Variants in NTN4 observed in about 807,000 individuals in gnomAD.
The protein encoded by NTN4 is netrin 4, also known as netrin-4.
NTN4 carries 32 observed loss-of-function variants against 73.6 expected under a neutral mutation model. The ratio of observed to expected loss-of-function variants is 0.44; its 90% CI spans 0.33 to 0.58. NTN4 has a LOEUF of 0.58. Ranked by LOEUF, NTN4 falls within the 20% of genes least tolerant of loss-of-function variation. The probability of loss-of-function intolerance (pLI) is 0.04; values close to 1 mark genes in which losing one functional copy is unlikely to be tolerated. For synonymous variants in NTN4, 258 were observed against 287.5 expected (o/e 0.90, Z 1.04); for missense variants, 654 against 798.3 (o/e 0.82, Z 2.18).
chr12:95,732,809 T>C (rs1175749158), intron 3 of NTN4, among the ~76,000 whole-genome samples: 1 of 152,200 alleles, frequency 6.6e-6, no homozygotes, highest in African/African-American at 2.4e-5. Flanking sequence ...CCTTAATTTA[T>C]AAAACATGAC....
intron 2 of NTN4, among the ~76,000 whole-genome samples, chr12:95,775,278 TG>T (rs1388331975): frequency 2.0e-5 from 3 of 152,226 alleles, no homozygotes; most frequent in Non-Finnish European, 4.4e-5. Context: ...GGGTGATTTC[TG>T]CATTTCCAAC....
At chr12:95,786,441 T>C (rs2079167988) in intron 2 of NTN4, among the ~76,000 whole-genome samples, 1 of 152,242 alleles carries the variant, frequency 6.6e-6, no homozygotes, top group Non-Finnish European at 1.5e-5. Flanking sequence ...GAAGAACCTT[T>C]GTATGTTAAA....
chr12:95,747,224 T>C (rs1382004073), intron 2 of NTN4, among the ~76,000 whole-genome samples: 1 of 152,248 alleles, frequency 6.6e-6, no homozygotes, highest in Non-Finnish European at 1.5e-5. Context: ...ATTTATTCAA[T>C]AATTCTGTTT....
chr12:95,662,578 T>C (rs2078147108), intron 9 of NTN4, among the ~76,000 whole-genome samples: 1 of 152,252 alleles, frequency 6.6e-6, no homozygotes, highest in Middle Eastern at 3.4e-3. Flanking sequence ...AAAGCTATTA[T>C]GGTGTTTTCA....
At chr12:95,717,864 C>T in intron 3 of NTN4, among the ~76,000 whole-genome samples, 1 of 152,024 alleles carries the variant, frequency 6.6e-6, no homozygotes, top group East Asian at 1.9e-4. Flanking sequence ...TCTAATGACC[C>T]AAGAGGTGAA....
At chr12:95,753,713 T>C (rs55860935) in intron 2 of NTN4, among the ~76,000 whole-genome samples, 58,132 of 146,166 alleles carry the variant, frequency 0.4, 13,228 homozygotes, top group Non-Finnish European at 0.51. Context: ...CAAGCTCAGC[T>C]ACCAACTTAA....
chr12:95,753,657 C>T lies in NTN4; in HGVS notation c.586-15513G>A, dbSNP rs534973223. 4.6e-3 allele frequency among the ~76,000 whole-genome samples: 703 copies of T among 151,466 alleles called. 5 individuals carry two copies. The highest frequency in any genetic ancestry group is 0.016 in the African/African-American group (655 of 41,416). ...TATATCCCTTACGGTCCTCCGTCTT[C>T]AAGAAAAGTAGAACGGACTAAAGGT... On this transcript the variant is annotated intron_variant, in intron 2 of 9. Transcript: ENST00000343702.
At chr12:95,776,385 C>A (rs894118192) in intron 2 of NTN4, among the ~76,000 whole-genome samples, 4 of 152,170 alleles carry the variant, frequency 2.6e-5, no homozygotes, top group African/African-American at 7.2e-5. Context: ...GAAGTTCGAA[C>A]CCATCGCAAA....
intron 2 of NTN4, among the ~76,000 whole-genome samples, chr12:95,786,502 C>G (rs939876145): frequency 6.6e-6 from 1 of 152,136 alleles, no homozygotes; most frequent in African/African-American, 2.4e-5. Context: ...ATCCTTCTGT[C>G]AAACAGATTT....
chr12:95,721,013 G>A (rs182872996), intron 3 of NTN4, among the ~76,000 whole-genome samples: 1 of 152,110 alleles, frequency 6.6e-6, no homozygotes, highest in Non-Finnish European at 1.5e-5. Flanking sequence ...TTAAGTAATC[G>A]GCCCAAGGCC....
chr12:95,666,514 T>C (rs2078181586), intron 8 of NTN4, among the ~76,000 whole-genome samples: 1 of 152,204 alleles, frequency 6.6e-6, no homozygotes, highest in Non-Finnish European at 1.5e-5. Flanking sequence ...TATATTCTTA[T>C]TTGTTAGGCA....
At chr12:95,784,391 A>G (rs946554476) in intron 2 of NTN4, among the ~76,000 whole-genome samples, 3 of 152,236 alleles carry the variant, frequency 2.0e-5, no homozygotes, top group African/African-American at 7.2e-5. Flanking sequence ...AAGAAATTCT[A>G]TAATGACTTC....
intron 2 of NTN4, among the ~76,000 whole-genome samples, chr12:95,761,515 T>G (rs553269779): frequency 6.6e-6 from 1 of 152,048 alleles, no homozygotes; most frequent in African/African-American, 2.4e-5. Context: ...GTATTTTTAG[T>G]AGAGATGGGG....
rs372458474 is a variant in NTN4, at chr12:95,753,963, G to C, written c.586-15819C>G. Among the ~76,000 whole-genome samples, 153 of 152,194 alleles carry C rather than the reference G, an allele frequency of 1.0e-3. No individual in the cohort carries two copies. The Middle Eastern group carries it at 0.014, about 14-fold the overall frequency. On this transcript the variant is annotated intron_variant, in intron 2 of 9. Transcript: ENST00000343702. Reference sequence around the variant, plus strand: ...AACTACTCATACATGCCCTGCTCTTGTTTACACTGCCGGTTTACACTGTTT... The same window carrying C: ...AACTACTCATACATGCCCTGCTCTTCTTTACACTGCCGGTTTACACTGTTT...
chr12:95,696,207 G>C (rs959704038), intron 5 of NTN4, among the ~76,000 whole-genome samples: 1 of 151,962 alleles, frequency 6.6e-6, no homozygotes, highest in African/African-American at 2.4e-5. Context: ...AATCTGTCAT[G>C]CTCCCCTTTT....
At chr12:95,766,433 C>A (rs10859939) in intron 2 of NTN4, among the ~76,000 whole-genome samples, 1 of 152,068 alleles carries the variant, frequency 6.6e-6, no homozygotes, top group African/African-American at 2.4e-5. Flanking sequence ...TCAGCCTTTG[C>A]GGAAACATTT....
intron 2 of NTN4, among the ~76,000 whole-genome samples, chr12:95,757,806 T>C (rs2078957939): frequency 6.7e-6 from 1 of 149,620 alleles, no homozygotes; most frequent in African/African-American, 2.5e-5. Context: ...AAATGGCAAA[T>C]GCAATTTATT....
At chr12:95,760,186 C>T (rs903039474) in intron 2 of NTN4, among the ~76,000 whole-genome samples, 1 of 152,038 alleles carries the variant, frequency 6.6e-6, no homozygotes, top group Non-Finnish European at 1.5e-5. Flanking sequence ...TATTTTAGGG[C>T]TAATTTAACC....
intron 2 of NTN4, among the ~76,000 whole-genome samples, chr12:95,776,532 G>A (rs188618289): frequency 7.9e-5 from 12 of 152,304 alleles, no homozygotes; most frequent in African/African-American, 2.9e-4. Flanking sequence ...TTCAGTAGCC[G>A]ATTCGATCAA....
Sources: gnomAD v4.1 joint callset for allele counts (sites outside exome capture counted in the v4.1 genomes callset) on GRCh38, gnomAD v4.1.1 for gene constraint, MANE v1.5 for transcripts, NCBI Gene and HGNC (gene_info 2026-07-23, HGNC 2026-07-21) for gene names.